Variants in CTNNA2 observed in about 807,000 individuals in gnomAD.
The protein encoded by CTNNA2 is catenin alpha 2.
Under a neutral mutation model 101.0 loss-of-function variants are expected in CTNNA2, and 42 were observed. The ratio of observed to expected loss-of-function variants is 0.42; its 90% CI spans 0.32 to 0.54. CTNNA2 has a LOEUF of 0.54. Among genes scored for constraint, CTNNA2 ranks in the 20% least tolerant of loss-of-function variants. CTNNA2 has a pLI of 0.14. For missense variants in CTNNA2, 871 were observed against 1,223.1 expected (o/e 0.71, Z 4.29); for synonymous variants, 450 against 456.4 (o/e 0.99, Z 0.18).
chr2:80,312,526 G>A (rs1244394399), intron 7 of CTNNA2, among the ~76,000 whole-genome samples: 1 of 152,188 alleles, frequency 6.6e-6, no homozygotes, highest in Non-Finnish European at 1.5e-5. Context: ...TGGGAAAGTT[G>A]TTTACTGAAA....
chr2:79,349,482 T>C (rs961881756), intron 3 of CTNNA2, among the ~76,000 whole-genome samples: 2 of 152,170 alleles, frequency 1.3e-5, no homozygotes, highest in African/African-American at 2.4e-5. Context: ...TATTATGCTA[T>C]GTACTGGAGG....
chr2:79,987,203 C>CT (rs1233285127), intron 7 of CTNNA2, among the ~76,000 whole-genome samples: 1 of 152,220 alleles, frequency 6.6e-6, no homozygotes, highest in East Asian at 1.9e-4. Context: ...TGTCCTCCAT[C>CT]TTTTTTGTCA....
chr2:80,024,503 C>T (rs1694809203), intron 7 of CTNNA2, among the ~76,000 whole-genome samples: 1 of 152,224 alleles, frequency 6.6e-6, no homozygotes, highest in Non-Finnish European at 1.5e-5. Flanking sequence ...CTTGACCCAT[C>T]TGCAGGATTC....
rs1396752492 is a variant in CTNNA2 at position 79,472,740 on chromosome 2, G to A, written c.-134-32314G>A. On this transcript the variant is annotated intron_variant, in intron 4 of 21. Transcript: ENST00000466387. Reference sequence around the variant, plus strand: ...TTTCTCACTTTTTGCGATACAGATGGGCTGAGAATTTTCCAAATATTTAAG... The same window carrying A: ...TTTCTCACTTTTTGCGATACAGATGAGCTGAGAATTTTCCAAATATTTAAG... 2.6e-5 allele frequency among the ~76,000 whole-genome samples: 4 copies of A among 151,972 alleles called. No homozygotes were observed. The South Asian group carries it at 8.3e-4, about 32-fold the overall frequency.
chr2:80,205,289 A>T (rs1402874074), intron 7 of CTNNA2, among the ~76,000 whole-genome samples: 1 of 152,212 alleles, frequency 6.6e-6, no homozygotes, highest in African/African-American at 2.4e-5. Context: ...AAAAAAAACC[A>T]TACACACAGA....
chr2:79,957,377 T>A (rs978263929), intron 7 of CTNNA2, among the ~76,000 whole-genome samples: 2 of 152,122 alleles, frequency 1.3e-5, no homozygotes, highest in African/African-American at 2.4e-5. Context: ...TTGGGTTGTG[T>A]CCATGGAAGG....
intron 7 of CTNNA2, among the ~76,000 whole-genome samples, chr2:80,290,038 T>TA (rs1224551359): frequency 6.6e-6 from 1 of 152,160 alleles, no homozygotes; most frequent in East Asian, 1.9e-4. Context: ...AATCTTTGCA[T>TA]AGGACCTCAC....
At chr2:80,093,339 AT>A (rs1448080084) in intron 7 of CTNNA2, among the ~76,000 whole-genome samples, 2 of 152,020 alleles carry the variant, frequency 1.3e-5, no homozygotes, top group Non-Finnish European at 2.9e-5. Flanking sequence ...TGAACTCATC[AT>A]TTTTTATGGC....
intron 14 of CTNNA2, among the ~76,000 whole-genome samples, chr2:80,583,679 A>C (rs1408201912): frequency 6.6e-6 from 1 of 152,158 alleles, no homozygotes; most frequent in Non-Finnish European, 1.5e-5. Flanking sequence ...ATCTTGTCAA[A>C]ATGGCATGAA....
rs185059508 is a variant in CTNNA2 at position 80,063,000 on chromosome 2, C to T, written c.1056+153203C>T. On this transcript the variant is annotated intron_variant, in intron 7 of 18. Coordinates refer to ENST00000402739, the MANE Select transcript of CTNNA2 (RefSeq NM_001282597.3). ...GATTACAGGCGTGAGCCACCGCGCC[C>T]GGCCAAAGCACTGTGGCCCGGCCAA... Among the ~76,000 whole-genome samples the T allele has an allele frequency of 1.6e-4, 24 of 152,124 alleles. 1 individual carries two copies. In the South Asian group the frequency reaches 3.5e-3, roughly 22 times the overall value.
chr2:79,675,469 G>C (rs1316070740), intron 2 of CTNNA2, among the ~76,000 whole-genome samples: 1 of 152,170 alleles, frequency 6.6e-6, no homozygotes, highest in Non-Finnish European at 1.5e-5. Flanking sequence ...ACACTTTCGG[G>C]GGCTTGGGAA....
rs547036416 is a variant in CTNNA2 at position 80,628,554 on chromosome 2, CCTTACACCTTACACAAAACCTATT to C, written c.2574+9338_2574+9361del. On this transcript the variant is annotated intron_variant, in intron 18 of 18. Transcript: ENST00000402739. ...GCAGAAAGCTGAAGTTGGATCCCTT[CCTTACACCTTACACAAAACCTATT>C]CTTACACCTTATACAAAACCTATTC... 4.3e-3 allele frequency among the ~76,000 whole-genome samples: 654 copies of C among 151,960 alleles called. 7 individuals are homozygous for C. Among genetic ancestry groups the C allele is most frequent in the African/African-American group, 0.013 (552 of 41,464 alleles).
At chr2:80,440,873 A>G (rs181733996) in intron 9 of CTNNA2, among the ~76,000 whole-genome samples, 54 of 152,336 alleles carry the variant, frequency 3.5e-4, no homozygotes, top group Middle Eastern at 3.4e-3. Context: ...TCAATGGCTT[A>G]AGATAGCATA....
intron 9 of CTNNA2, among the ~76,000 whole-genome samples, chr2:80,456,760 A>C (rs532984790): frequency 6.6e-6 from 1 of 152,252 alleles, no homozygotes; most frequent in Non-Finnish European, 1.5e-5. Flanking sequence ...CTTATTGGGC[A>C]CCTGAGGGAA....
rs537421793 is a variant in CTNNA2 at position 79,387,466 on chromosome 2, C to T, written c.-135+13453C>T. Among the ~76,000 whole-genome samples the T allele has an allele frequency of 2.0e-5, 3 of 152,136 alleles. No individual in the cohort carries two copies. In the East Asian group the frequency reaches 5.8e-4, roughly 29 times the overall value. The stretch of plus-strand genomic sequence containing the variant: ...GGAACCAGCGTGAAAGAAGAAAGAG[C>T]CAGAATCAAGTGCAGAGTTGAACGG... On this transcript the variant is annotated intron_variant, in intron 4 of 21. Transcript: ENST00000466387.
intron 7 of CTNNA2, among the ~76,000 whole-genome samples, chr2:80,277,671 G>A (rs1674025553): frequency 6.6e-6 from 1 of 151,906 alleles, no homozygotes; most frequent in Non-Finnish European, 1.5e-5. Flanking sequence ...GAAAATGTGA[G>A]ACAGGAATAA....
At chr2:80,154,752 C>T (rs1476899296) in intron 7 of CTNNA2, among the ~76,000 whole-genome samples, 3 of 152,182 alleles carry the variant, frequency 2.0e-5, no homozygotes, top group Admixed American at 2.0e-4. Context: ...GTCTCCTCCA[C>T]TTATCAGCCC....
chr2:79,223,813 T>A (rs1238115309), intron 2 of CTNNA2, among the ~76,000 whole-genome samples: 3 of 152,190 alleles, frequency 2.0e-5, no homozygotes, highest in Non-Finnish European at 4.4e-5. Flanking sequence ...TTTACCACAA[T>A]AAATGGTCTA....
intron 9 of CTNNA2, among the ~76,000 whole-genome samples, chr2:80,515,986 C>T (rs1281637796): frequency 6.6e-6 from 1 of 152,166 alleles, no homozygotes; most frequent in East Asian, 1.9e-4. Flanking sequence ...CTCTCTTTCA[C>T]ACTATTCTGT....
Sources: allele counts gnomAD v4.1 joint callset (sites outside exome capture counted in the v4.1 genomes callset), GRCh38; gene constraint gnomAD v4.1.1; transcripts MANE v1.5; gene names NCBI Gene and HGNC (gene_info 2026-07-23, HGNC 2026-07-21).